Variants in MALRD1 observed in about 807,000 individuals in gnomAD.
The protein encoded by MALRD1 is MAM and LDL receptor class A domain containing 1.
A neutral mutation model predicts 242.1 loss-of-function variants in MALRD1; 247 were observed. That is an observed-to-expected ratio of 1.02 (90% CI 0.92 to 1.13). The LOEUF (loss-of-function observed/expected upper bound fraction) is 1.13, where lower values mean the gene tolerates loss of function less well. Among genes scored for constraint, MALRD1 ranks in the 50% most tolerant of loss-of-function variants. The pLI is 0.00. For missense variants in MALRD1, 2,989 were observed against 2,533.1 expected (o/e 1.18, Z -3.86); for synonymous variants, 995 against 866.6 (o/e 1.15, Z -2.60).
At chr10:19,561,410 G>C (rs984254176) in intron 32 of MALRD1, among the ~76,000 whole-genome samples, 4 of 152,290 alleles carry the variant, frequency 2.6e-5, no homozygotes, top group African/African-American at 9.6e-5. Flanking sequence ...CAATTACTGA[G>C]AGAGGAATCT....
chr10:19,627,670 A>G (rs1267270571), intron 36 of MALRD1, among the ~76,000 whole-genome samples: 1 of 150,542 alleles, frequency 6.6e-6, no homozygotes, highest in Non-Finnish European at 1.5e-5. Flanking sequence ...CTGGAGTAGG[A>G]GAATCACTTG....
At chr10:19,275,903 G>A (rs7080039) in intron 19 of MALRD1, among the ~76,000 whole-genome samples, 6,651 of 152,116 alleles carry the variant, frequency 0.044, 180 homozygotes, top group Middle Eastern at 0.065. Flanking sequence ...TGAAGAATAG[G>A]AAAACATGTG....
Position 19,671,681 on chromosome 10 carries a change from A to G in MALRD1, c.6138-20601A>G, listed in dbSNP as rs1175257067. On this transcript the variant is annotated intron_variant, in intron 36 of 39. Coordinates refer to ENST00000454679, the MANE Select transcript of MALRD1 (RefSeq NM_001142308.3). ...GCTACAAACACCACCAATACATGCT[A>G]CGTATCCATTGCCTAAAAATTAGAA... Among the ~76,000 whole-genome samples, 4 of 152,190 alleles carry G rather than the reference A, an allele frequency of 2.6e-5. No individual in the cohort carries two copies. In the East Asian group the frequency reaches 7.7e-4, roughly 29 times the overall value.
chr10:19,148,792 T>A (rs368062233), intron 11 of MALRD1, among the ~76,000 whole-genome samples: 35 of 119,878 alleles, frequency 2.9e-4, no homozygotes, highest in African/African-American at 6.0e-4. Context: ...AAAAAAAATA[T>A]ATATATATAT....
At chr10:19,378,906 T>C (rs1219774330) in intron 26 of MALRD1, among the ~76,000 whole-genome samples, 1 of 152,104 alleles carries the variant, frequency 6.6e-6, no homozygotes, top group Non-Finnish European at 1.5e-5. Context: ...TTACATGTGT[T>C]GTAGAATTCA....
intron 33 of MALRD1, among the ~76,000 whole-genome samples, chr10:19,572,379 C>G (rs562662653): frequency 6.6e-6 from 1 of 152,158 alleles, no homozygotes; most frequent in Non-Finnish European, 1.5e-5. Flanking sequence ...CATTTGACAG[C>G]ACTGTTAGGA....
intron 23 of MALRD1, among the ~76,000 whole-genome samples, chr10:19,329,871 G>A (rs567736105): frequency 6.6e-6 from 1 of 152,284 alleles, no homozygotes; most frequent in South Asian, 2.1e-4. Context: ...TATAAGTGAT[G>A]ATTTGATTAT....
At chr10:19,288,752 A>G (rs957969707) in intron 21 of MALRD1, among the ~76,000 whole-genome samples, 8 of 152,008 alleles carry the variant, frequency 5.3e-5, no homozygotes, top group African/African-American at 1.9e-4. Context: ...AGATGCTCTT[A>G]TATTAAAGAA....
intron 21 of MALRD1, among the ~76,000 whole-genome samples, chr10:19,320,041 C>CTTTTTTTTTTTTTTT (rs34481531): frequency 1.4e-5 from 1 of 73,070 alleles, no homozygotes; most frequent in Admixed American, 2.0e-4. Flanking sequence ...TATAAAACTG[C>CTTTTTTTTTTTTTTT]TTTTTTTTTT....
chr10:19,419,049 A>G (rs1405623420), intron 28 of MALRD1, among the ~76,000 whole-genome samples: 1 of 152,124 alleles, frequency 6.6e-6, no homozygotes, highest in East Asian at 1.9e-4. Context: ...CAGAGGATGA[A>G]CTCAACCATT....
chr10:19,720,767 A>G (rs1212294026), intron 38 of MALRD1, among the ~76,000 whole-genome samples: 1 of 152,216 alleles, frequency 6.6e-6, no homozygotes, highest in African/African-American at 2.4e-5. Flanking sequence ...ATTGCCTAAA[A>G]TTAAAATTTA....
chr10:19,478,100 A>C (rs975373137), intron 29 of MALRD1, among the ~76,000 whole-genome samples: 2 of 152,252 alleles, frequency 1.3e-5, no homozygotes, highest in Non-Finnish European at 2.9e-5. Flanking sequence ...AATCTTACCA[A>C]GGACTCTCTG....
At chr10:19,135,117 C>T (rs1393379032) in intron 9 of MALRD1, among the ~76,000 whole-genome samples, 1 of 152,050 alleles carries the variant, frequency 6.6e-6, no homozygotes, top group Non-Finnish European at 1.5e-5. Flanking sequence ...GAAAATCTGA[C>T]CTTAAGTAAT....
chr10:19,125,317 CCTTCCTTCTTTCTTTCTTTCTTT>C (rs1837230796), intron 7 of MALRD1, among the ~76,000 whole-genome samples: 1 of 77,910 alleles, frequency 1.3e-5, no homozygotes, highest in Admixed American at 1.3e-4. Flanking sequence ...TTCCTTCCTT[CCTTCCTTCTTTCTTTCTTTCTTT>C]CTTTCTTTCT....
chr10:19,608,102 C>G (rs745908044), intron 35 of MALRD1, among the ~76,000 whole-genome samples, 200 bp downstream of exon 35: 9 of 152,046 alleles, frequency 5.9e-5, no homozygotes, highest in Non-Finnish European at 1.3e-4. Context: ...TGGGCTCATG[C>G]TAGTTCTACA....
At chr10:19,071,876 T>C (rs879714542) in intron 2 of MALRD1, among the ~76,000 whole-genome samples, 10 of 152,142 alleles carry the variant, frequency 6.6e-5, no homozygotes, top group African/African-American at 2.2e-4. Flanking sequence ...AAATTTAATG[T>C]CCATTTATTC....
chr10:19,541,002 C>G (rs949475494), intron 32 of MALRD1, among the ~76,000 whole-genome samples: 2 of 152,010 alleles, frequency 1.3e-5, no homozygotes, highest in Admixed American at 6.6e-5. Flanking sequence ...TAAGTGGGTA[C>G]TAGTTTGTAT....
chr10:19,349,556 A>G (rs1246451323), intron 25 of MALRD1, among the ~76,000 whole-genome samples: 1 of 152,174 alleles, frequency 6.6e-6, no homozygotes, highest in Non-Finnish European at 1.5e-5. Context: ...AAAGTAAATC[A>G]TACAAATCTA....
chr10:19,711,875 G>T (rs778780341), intron 38 of MALRD1, among the ~76,000 whole-genome samples: 2 of 152,168 alleles, frequency 1.3e-5, no homozygotes, highest in South Asian at 2.1e-4. Context: ...TAAAATCAGG[G>T]AGTAGCAGGG....
Sources: allele counts gnomAD v4.1 joint callset (sites outside exome capture counted in the v4.1 genomes callset), GRCh38; gene constraint gnomAD v4.1.1; transcripts MANE v1.5; gene names NCBI Gene and HGNC (gene_info 2026-07-23, HGNC 2026-07-21).